The following LPA variants were observed in gnomAD, a reference collection of about 807,000 sequenced individuals.
The protein encoded by LPA is apolipoprotein(a).
Under a neutral mutation model 197.9 loss-of-function variants are expected in LPA, and 199 were observed. The observed-to-expected ratio is 1.01, with a 90% CI of 0.90 to 1.13. The LOEUF (loss-of-function observed/expected upper bound fraction) is 1.13, where lower values mean the gene tolerates loss of function less well. LPA is among the 50% of genes most tolerant of loss of function. LPA has a pLI of 0.00. For missense variants in LPA, 1,853 were observed against 1,785.8 expected (o/e 1.04, Z -0.68); for synonymous variants, 715 against 639.5 (o/e 1.12, Z -1.78).
intron 1 of LPA, among the ~76,000 whole-genome samples, chr6:160,652,655 G>A (rs930627912): frequency 1.1e-4 from 17 of 152,088 alleles, no homozygotes; most frequent in Non-Finnish European, 1.9e-4. Context: ...AATATTTGTA[G>A]TCATAATCAC....
chr6:160,539,742 G>A (rs965692151), intron 36 of LPA, among the ~76,000 whole-genome samples: 1 of 152,166 alleles, frequency 6.6e-6, no homozygotes, highest in Non-Finnish European at 1.5e-5. Flanking sequence ...TAGTTAGCCT[G>A]GAATAACAAC....
intron 27 of LPA, among the ~76,000 whole-genome samples, chr6:160,577,918 T>A (rs1411148352): frequency 6.6e-6 from 1 of 152,138 alleles, no homozygotes; most frequent in Non-Finnish European, 1.5e-5. Context: ...TCACTGCCAA[T>A]GCAGGTTTCA....
intron 28 of LPA, among the ~76,000 whole-genome samples, chr6:160,567,383 C>G (rs1038730324): frequency 1.8e-4 from 28 of 152,156 alleles, no homozygotes; most frequent in African/African-American, 6.0e-4. Context: ...ACAACCTGCA[C>G]CTGAGTGACT....
At chr6:160,541,317 T>A (rs1191955070) in intron 34 of LPA, 136 bp from the exon 35 acceptor site, 2 of 723,546 alleles carry the variant, frequency 2.8e-6, no homozygotes, top group Non-Finnish European at 4.9e-6. Context: ...CCGCCCAACG[T>A]CAGGATAGTA....
Position 160,600,905 on chromosome 6 carries a change from A to G in LPA, c.3127+12T>C, listed in dbSNP as rs753053304. On this transcript the variant is annotated intron_variant, in intron 19 of 38. Transcript: ENST00000316300. ...GCATCCAAGCAGGTAAATGTCTGGCACAACTTCTTACCTTGTTCAAAAAAA... is the reference window on the plus strand; with the variant it reads ...GCATCCAAGCAGGTAAATGTCTGGCGCAACTTCTTACCTTGTTCAAAAAAA... 11 of 1,612,066 alleles carry G rather than the reference A, an allele frequency of 6.8e-6. No homozygotes were observed. The South Asian group carries it at 9.9e-5, about 14-fold the overall frequency.
In LPA at chr6:160,540,012, C is replaced by T. The variant is rs377207213; in HGVS notation, c.5735+31G>A. ...GACATAAAGCAAATATCTTCACCAG[C>T]GTGGGGTGAAGACCACAGGTGAGCG... On this transcript the variant is annotated intron_variant, in intron 36 of 38. Transcript: ENST00000316300. 263 of 1,613,944 alleles carry T rather than the reference C, an allele frequency of 1.6e-4. 2 individuals are homozygous for T. The highest frequency in any genetic ancestry group is 1.2e-3 in the South Asian group (105 of 91,074).
At chr6:160,602,694 TG>T (rs1779267895) in intron 18 of LPA, among the ~76,000 whole-genome samples, 1 of 152,236 alleles carries the variant, frequency 6.6e-6, no homozygotes, top group Non-Finnish European at 1.5e-5. Context: ...TATTAGTTTT[TG>T]GTTTATTTAT....
Position 160,653,953 on chromosome 6 carries a change from TATATAATATATATTA to T in LPA, c.50-3471_50-3457del, listed in dbSNP as rs1562354301. On this transcript the variant is annotated intron_variant, in intron 1 of 38. Coordinates refer to ENST00000316300, the MANE Select transcript of LPA (RefSeq NM_005577.4). Reference sequence around the variant, plus strand: ...ATATATATATATTTTATATATATTATATATAATATATATTATATATAATATATAATATATAATATA... The same window carrying T: ...ATATATATATATTTTATATATATTATTATATAATATATAATATATAATATA... Among the ~76,000 whole-genome samples, 123 of 46,204 alleles carry T rather than the reference TATATAATATATATTA, an allele frequency of 2.7e-3. 15 individuals are homozygous for T. Among genetic ancestry groups the T allele is most frequent in the African/African-American group, 0.011 (115 of 10,316 alleles). 30.3% of individuals were successfully genotyped at this position (46,204 alleles called of 152,430 possible).
chr6:160,567,002 T>TA (rs1468397819), intron 28 of LPA, among the ~76,000 whole-genome samples: 8 of 152,246 alleles, frequency 5.3e-5, no homozygotes, highest in African/African-American at 1.9e-4. Context: ...AGCAAGTCCT[T>TA]AGAGACCTAC....
intron 17 of LPA, among the ~76,000 whole-genome samples, chr6:160,605,743 A>T (rs1035437629): frequency 4.6e-5 from 7 of 152,300 alleles, no homozygotes; most frequent in African/African-American, 1.7e-4. Flanking sequence ...ACTGCAGACA[A>T]AGACACTTCA....
intron 1 of LPA, among the ~76,000 whole-genome samples, chr6:160,652,961 AAT>A (rs1239739479): frequency 6.6e-6 from 1 of 152,186 alleles, no homozygotes; most frequent in East Asian, 1.9e-4. Flanking sequence ...AAGGCAGAAA[AAT>A]ATGAAAAAAG....
intron 1 of LPA, among the ~76,000 whole-genome samples, chr6:160,657,151 C>T (rs553056403): frequency 3.3e-5 from 5 of 152,250 alleles, no homozygotes; most frequent in Admixed American, 1.3e-4. Flanking sequence ...AGAGCAATTA[C>T]GGGCTCTTCA....
Position 160,589,671 on chromosome 6 carries a change from C to A in LPA, c.3829G>T (p.Gly1277Cys). The change falls in exon 24 of 39, where the codon GGT (glycine) becomes TGT (cysteine). Residue 1277 changes from glycine to cysteine, a missense_variant. Gly to Cys is a radical substitution (Grantham distance 159, BLOSUM62 -3). Coordinates refer to ENST00000316300, the MANE Select transcript of LPA (RefSeq NM_005577.4). ...GAGCCTCGATAACTCTGTCCATCACCATGGTAGCAGTCCTGGACTGTGGGG... is the reference window on the plus strand; with the variant it reads ...GAGCCTCGATAACTCTGTCCATCACAATGGTAGCAGTCCTGGACTGTGGGG... ...QSPTVQDCYH[G>C]DGQSYRGSFS... 6.2e-7 allele frequency: 1 copy of A among 1,613,906 alleles called. No homozygotes were observed. The highest frequency in any genetic ancestry group is 1.1e-5 in the South Asian group (1 of 91,080).
rs73596859 is a variant in LPA, at chr6:160,653,708, A to C, written c.50-3211T>G. ...CATTCTGATATGGAACAACAAAAAA[A>C]GAAAACTTCAAGCCAATATCCTTGA... is the stretch of plus-strand genomic sequence containing the variant. On this transcript the variant is annotated intron_variant, in intron 1 of 38. Coordinates refer to ENST00000316300, the MANE Select transcript of LPA (RefSeq NM_005577.4). 6.9e-3 allele frequency among the ~76,000 whole-genome samples: 1,041 copies of C among 151,070 alleles called. 14 individuals carry two copies. The highest frequency in any genetic ancestry group is 0.024 in the African/African-American group (997 of 41,150).
At chr6:160,577,069 G>A in intron 28 of LPA, 67 bp downstream of exon 28, 1 of 1,582,752 alleles carries the variant, frequency 6.3e-7, no homozygotes, top group South Asian at 1.1e-5. Context: ...TGAGCTTAAA[G>A]CATGGGTCTT....
At position 160,600,926 on chromosome 6, in the gene LPA, A is replaced by G. The variant is rs925389631; in HGVS notation, c.3118T>C (p.Phe1040Leu). The change falls in exon 19 of 39, where the codon TTT becomes CTT. Residue 1040 changes from phenylalanine to leucine, a missense_variant. By Grantham distance (22) the Phe-to-Leu change is conservative (BLOSUM62 0). Coordinates refer to ENST00000316300, the MANE Select transcript of LPA (RefSeq NM_005577.4). ...TGGCACAACTTCTTACCTTGTTCAA[A>G]AAAAGCCTCTAGGCTTGGAGCCAGA... ...VILAPSLEAF[F>L]EQALTEETPG... 9 of 1,612,410 alleles carry G rather than the reference A, an allele frequency of 5.6e-6. No homozygotes were observed. The Admixed American group carries it at 8.3e-5, about 15-fold the overall frequency.
chr6:160,653,378 A>G (rs1295902087), intron 1 of LPA, among the ~76,000 whole-genome samples: 1 of 152,146 alleles, frequency 6.6e-6, no homozygotes, highest in East Asian at 1.9e-4. Flanking sequence ...AAAGACAAGC[A>G]GTAAGGATAC....
At chr6:160,597,989 C>T (rs945165379) in intron 20 of LPA, among the ~76,000 whole-genome samples, 1 of 152,158 alleles carries the variant, frequency 6.6e-6, no homozygotes, top group African/African-American at 2.4e-5. Context: ...TGCTTTTCAG[C>T]TTTGCTAGGT....
At chr6:160,602,573 CT>C (rs1779265115) in intron 18 of LPA, among the ~76,000 whole-genome samples, 1 of 152,164 alleles carries the variant, frequency 6.6e-6, no homozygotes, top group Admixed American at 6.5e-5. Context: ...TTGCCATTTG[CT>C]GGGTTCTTCA....
Sources: gnomAD v4.1 joint callset for allele counts (sites outside exome capture counted in the v4.1 genomes callset) on GRCh38, gnomAD v4.1.1 for gene constraint, MANE v1.5 for transcripts, NCBI Gene and HGNC (gene_info 2026-07-23, HGNC 2026-07-21) for gene names.